Variants in MTRR observed in about 807,000 individuals in gnomAD.
MTRR encodes methionine synthase reductase.
MTRR carries 63 observed loss-of-function variants against 79.2 expected under a neutral mutation model. The ratio of observed to expected loss-of-function variants is 0.80; its 90% CI spans 0.65 to 0.98. The LOEUF (loss-of-function observed/expected upper bound fraction) is 0.98. MTRR is among the 50% of genes least tolerant of loss of function. MTRR has a pLI of 0.00. For synonymous variants in MTRR, 355 were observed against 313.3 expected (o/e 1.13, Z -1.41); for missense variants, 895 against 839.6 (o/e 1.07, Z -0.82).
rs561515729 is a variant in MTRR, at chr5:7,884,195, C to A, written c.903+918C>A. ...TTTAAAAAAAGAAAAGAAATAGAAC[C>A]CAGACAGGCAGGTTAGGGTTAATTC... On this transcript the variant is annotated intron_variant, in intron 6 of 14. Coordinates refer to ENST00000440940, the MANE Select transcript of MTRR (RefSeq NM_002454.3). Among the ~76,000 whole-genome samples, 8 of 152,146 alleles carry A rather than the reference C, an allele frequency of 5.3e-5. No individual in the cohort carries two copies. In the South Asian group the frequency reaches 1.2e-3, roughly 24 times the overall value.
chr5:7,890,952 T>C (rs561244387), intron 9 of MTRR, among the ~76,000 whole-genome samples: 1 of 152,320 alleles, frequency 6.6e-6, no homozygotes, highest in East Asian at 1.9e-4. Context: ...CTTTAATCTT[T>C]TTGGGATCAT....
intron 7 of MTRR, 117 bp downstream of exon 7, chr5:7,885,971 C>A: frequency 2.2e-6 from 3 of 1,347,838 alleles, no homozygotes; most frequent in Non-Finnish European, 3.2e-6. Context: ...ATGCCTGGGG[C>A]TCAGCTGCGC....
intron 1 of MTRR, chr5:7,859,409 CA>C: frequency 1.4e-6 from 2 of 1,418,506 alleles, no homozygotes; most frequent in Non-Finnish European, 9.7e-7. Flanking sequence ...CAAGTTCTTC[CA>C]TTGTTTGAGT....
At chr5:7,870,981 A>G in intron 2 of MTRR, 58 bp downstream of exon 2, 2 of 1,606,494 alleles carry the variant, frequency 1.2e-6, no homozygotes, top group South Asian at 2.2e-5. Context: ...TTGGTTGGGA[A>G]GTGATATTTA....
At chr5:7,870,957 T>C in intron 2 of MTRR, 34 bp downstream of exon 2, 1 of 1,613,952 alleles carries the variant, frequency 6.2e-7, no homozygotes, top group South Asian at 1.1e-5. Context: ...TACCGTTTTG[T>C]GCTTTGAAGA....
chr5:7,856,202 T>C (rs956052207), intron 1 of MTRR, among the ~76,000 whole-genome samples: 1 of 152,150 alleles, frequency 6.6e-6, no homozygotes, highest in African/African-American at 2.4e-5. Context: ...GCTCTGCAAT[T>C]GAGGGGGATA....
chr5:7,890,402 C>T, intron 9 of MTRR: 1 of 985,392 alleles, frequency 1.0e-6, no homozygotes, highest in Non-Finnish European at 1.2e-6. Flanking sequence ...AATAGGATGA[C>T]AGAACACAGG....
chr5:7,878,434 C>A, intron 5 of MTRR, 112 bp downstream of exon 5: 1 of 1,332,240 alleles, frequency 7.5e-7, no homozygotes, highest in Non-Finnish European at 1.1e-6. Flanking sequence ...GGCTTACTGG[C>A]CCAATGTGGC....
At chr5:7,856,476 A>AT (rs1371732836) in intron 1 of MTRR, among the ~76,000 whole-genome samples, 1 of 152,334 alleles carries the variant, frequency 6.6e-6, no homozygotes, top group East Asian at 1.9e-4. Flanking sequence ...GAGCTGTACG[A>AT]TAAAGTTTAA....
At chr5:7,887,169 C>T (rs137979928) in intron 8 of MTRR, among the ~76,000 whole-genome samples, 1 of 152,172 alleles carries the variant, frequency 6.6e-6, no homozygotes, top group Non-Finnish European at 1.5e-5. Context: ...TTGTGTAATA[C>T]TACATAACTA....
intron 2 of MTRR, among the ~76,000 whole-genome samples, chr5:7,871,145 C>G (rs1579599442): frequency 9.9e-6 from 1 of 101,056 alleles, no homozygotes; most frequent in South Asian, 2.4e-4. Flanking sequence ...AAACAAGTAA[C>G]AACTCCTTAA....
chr5:7,875,391 T>C lies in MTRR; in HGVS notation c.401+16T>C. 6.4e-7 allele frequency: 1 copy of C among 1,561,812 alleles called. No homozygotes were observed. Among genetic ancestry groups the C allele is most frequent in the Non-Finnish European group, 8.8e-7 (1 of 1,132,192 alleles). On this transcript the variant is annotated intron_variant, in intron 4 of 14. Coordinates refer to ENST00000440940, the MANE Select transcript of MTRR (RefSeq NM_002454.3). ...ACTGTGTAGGGTAAGGGCAGTGTTCTCTGTTTACTCCAATAAGCCCTCTAT... is the reference window on the plus strand; with the variant it reads ...ACTGTGTAGGGTAAGGGCAGTGTTCCCTGTTTACTCCAATAAGCCCTCTAT...
intron 6 of MTRR, 72 bp downstream of exon 6, chr5:7,883,349 G>C: frequency 6.3e-7 from 1 of 1,597,198 alleles, no homozygotes; most frequent in Non-Finnish European, 8.6e-7. Context: ...GTGGTGCTTG[G>C]TTATATATGC....
chr5:7,886,967 T>C (rs897971247), intron 8 of MTRR, among the ~76,000 whole-genome samples: 8 of 152,196 alleles, frequency 5.3e-5, no homozygotes, highest in African/African-American at 1.9e-4. Context: ...AAATAGGGCT[T>C]TTTCTTTGTC....
intron 10 of MTRR, among the ~76,000 whole-genome samples, chr5:7,891,911 A>G (rs1245740914): frequency 6.6e-6 from 1 of 152,078 alleles, no homozygotes; most frequent in Non-Finnish European, 1.5e-5. Flanking sequence ...GCGTGGTGGC[A>G]GGCGCCTGTA....
intron 2 of MTRR, chr5:7,863,138 C>G: frequency 1.4e-6 from 1 of 718,900 alleles, no homozygotes; most frequent in East Asian, 2.6e-5. Context: ...GGACAGGCAT[C>G]TCTCTCAAAA....
chr5:7,871,066 A>ATCATTTTTTT, intron 2 of MTRR, 143 bp downstream of exon 2: 1 of 988,474 alleles, frequency 1.0e-6, no homozygotes, highest in South Asian at 1.3e-5. Context: ...ATGGTATAGT[A>ATCATTTTTTT]AGATATCACC....
intron 11 of MTRR, among the ~76,000 whole-genome samples, chr5:7,894,647 C>T (rs1410025856): frequency 6.6e-6 from 1 of 152,194 alleles, no homozygotes; most frequent in Non-Finnish European, 1.5e-5. Context: ...CCTTCTTTGA[C>T]ATTGGTGTTT....
intron 6 of MTRR, among the ~76,000 whole-genome samples, chr5:7,884,643 C>T (rs893510480): frequency 3.9e-5 from 6 of 152,092 alleles, no homozygotes; most frequent in African/African-American, 9.7e-5. Flanking sequence ...AGATGTGCCT[C>T]GATGCACCCC....
Sources: allele counts gnomAD v4.1 joint callset (sites outside exome capture counted in the v4.1 genomes callset), GRCh38; gene constraint gnomAD v4.1.1; transcripts MANE v1.5; gene names NCBI Gene and HGNC (gene_info 2026-07-23, HGNC 2026-07-21).